SUCLG2: variants seen among roughly 807,000 people sequenced by gnomAD.
The protein encoded by SUCLG2 is succinate-CoA ligase GDP-forming subunit beta, also known as succinate--CoA ligase [GDP-forming] subunit beta, mitochondrial.
Under a neutral mutation model 47.9 loss-of-function variants are expected in SUCLG2, and 42 were observed. The ratio of observed to expected loss-of-function variants is 0.88; its 90% confidence interval spans 0.69 to 1.14. SUCLG2 has a LOEUF of 1.14. Ranked by LOEUF, SUCLG2 falls within the 50% of genes most tolerant of loss-of-function variation. SUCLG2 has a pLI of 0.00. For synonymous variants in SUCLG2, 195 were observed against 197.3 expected (o/e 0.99, Z 0.10); for missense variants, 571 against 525.9 (o/e 1.09, Z -0.84).
chr3:67,388,021 G>T (rs1164168990), intron 10 of SUCLG2, among the ~76,000 whole-genome samples: 1 of 152,000 alleles, frequency 6.6e-6, no homozygotes, highest in African/African-American at 2.4e-5. Flanking sequence ...GGTAACAAGT[G>T]TTATCTGCTA....
chr3:67,372,026 T>C (rs1348438407), downstream of SUCLG2, among the ~76,000 whole-genome samples: 1 of 152,172 alleles, frequency 6.6e-6, no homozygotes, highest in Admixed American at 6.5e-5. Flanking sequence ...TAACGCATCC[T>C]AATACTCAGG....
chr3:67,423,616 A>G (rs1032675969), intron 9 of SUCLG2, among the ~76,000 whole-genome samples: 1 of 152,052 alleles, frequency 6.6e-6, no homozygotes, highest in African/African-American at 2.4e-5. Flanking sequence ...ATACTCACAC[A>G]TCATGCTGCC....
chr3:67,377,703 G>C (rs973460180), intron 10 of SUCLG2, among the ~76,000 whole-genome samples: 1 of 152,144 alleles, frequency 6.6e-6, no homozygotes, highest in Middle Eastern at 3.2e-3. Flanking sequence ...ACCCAAGATG[G>C]AGTGCAGTGG....
chr3:67,369,836 A>G (rs1701928066), downstream of SUCLG2, among the ~76,000 whole-genome samples: 1 of 152,162 alleles, frequency 6.6e-6, no homozygotes, highest in East Asian at 1.9e-4. Flanking sequence ...CCCAGAAGCC[A>G]TTTCCATACC....
intron 6 of SUCLG2, among the ~76,000 whole-genome samples, chr3:67,511,318 T>A (rs912630143): frequency 6.6e-6 from 1 of 152,190 alleles, no homozygotes; most frequent in South Asian, 2.1e-4. Context: ...AAAAAGGGTA[T>A]CTCACTGGTA....
intron 2 of SUCLG2, among the ~76,000 whole-genome samples, chr3:67,602,779 C>T (rs1575809307): frequency 6.6e-6 from 1 of 152,160 alleles, no homozygotes; most frequent in Admixed American, 6.5e-5. Flanking sequence ...TTCGTGAGCA[C>T]CTACTGCCTC....
chr3:67,476,541 T>C (rs1704763416), intron 9 of SUCLG2, among the ~76,000 whole-genome samples: 1 of 152,110 alleles, frequency 6.6e-6, no homozygotes, highest in African/African-American at 2.4e-5. Context: ...CATATTACAA[T>C]TAATAATAAC....
chr3:67,618,087 G>A (rs1304448367), intron 1 of SUCLG2, among the ~76,000 whole-genome samples: 1 of 152,082 alleles, frequency 6.6e-6, no homozygotes, highest in South Asian at 2.1e-4. Context: ...TTTGCAAAAG[G>A]AAGAACTAGA....
intron 9 of SUCLG2, among the ~76,000 whole-genome samples, chr3:67,440,427 T>C (rs920722673): frequency 5.3e-5 from 8 of 152,024 alleles, no homozygotes; most frequent in Non-Finnish European, 1.0e-4. Flanking sequence ...AAAGAAATTA[T>C]CACAAGAGTG....
intron 10 of SUCLG2, among the ~76,000 whole-genome samples, chr3:67,392,158 C>A (rs1702402161): frequency 6.6e-6 from 1 of 152,168 alleles, no homozygotes; most frequent in South Asian, 2.1e-4. Flanking sequence ...TCTTCATCTC[C>A]TTCCTCCTTC....
chr3:67,625,739 C>T (rs1178938113), intron 1 of SUCLG2, among the ~76,000 whole-genome samples: 1 of 152,144 alleles, frequency 6.6e-6, no homozygotes, highest in African/African-American at 2.4e-5. Flanking sequence ...CAAGCCCCCT[C>T]CCAAAAGCAA....
At chr3:67,499,683 T>A (rs1355043344) in intron 7 of SUCLG2, among the ~76,000 whole-genome samples, 1 of 152,072 alleles carries the variant, frequency 6.6e-6, no homozygotes, top group Non-Finnish European at 1.5e-5. Flanking sequence ...GAAATTAGTG[T>A]TCTGTGATGC....
At chr3:67,475,244 A>T (rs1704718879) in intron 9 of SUCLG2, among the ~76,000 whole-genome samples, 2 of 152,212 alleles carry the variant, frequency 1.3e-5, no homozygotes, top group South Asian at 4.1e-4. Context: ...TGAAAACGAT[A>T]TTAAACCCTA....
At chr3:67,557,548 C>A (rs181679012) in intron 2 of SUCLG2, among the ~76,000 whole-genome samples, 1 of 152,138 alleles carries the variant, frequency 6.6e-6, no homozygotes, top group Admixed American at 6.5e-5. Flanking sequence ...AGTTGCAGAC[C>A]TCATGTTTTT....
At chr3:67,363,072 T>C (rs1701827267) in intron 10 of SUCLG2, among the ~76,000 whole-genome samples, 1 of 152,182 alleles carries the variant, frequency 6.6e-6, no homozygotes, top group African/African-American at 2.4e-5. Flanking sequence ...TGCAGGAAAA[T>C]TCCTATTTTA....
chr3:67,599,450 A>G (rs373118707), intron 2 of SUCLG2, among the ~76,000 whole-genome samples: 3 of 152,328 alleles, frequency 2.0e-5, no homozygotes, highest in South Asian at 2.1e-4. Context: ...AACAGTAGTA[A>G]GAAATTCTGA....
chr3:67,375,481 T>C lies in SUCLG2; in HGVS notation c.*263A>G. 3.5e-6 allele frequency: 4 copies of C among 1,152,364 alleles called. No individual in the cohort carries two copies. The highest frequency in any genetic ancestry group is 4.3e-6 in the Non-Finnish European group (4 of 935,298). The allele number at this position is 1,152,364 out of a possible 1,614,324, so 71.4% of individuals were successfully genotyped here. ...TGGCCACATAGACCACTCCCCAAAG[T>C]CTGCAAAACACTGCCTACTGGGCAG... is the stretch of plus-strand genomic sequence containing the variant. On this transcript the variant is annotated 3_prime_UTR_variant, in exon 11 of 11. Transcript: ENST00000307227.
At chr3:67,535,952 A>G (rs1340939433) in intron 2 of SUCLG2, among the ~76,000 whole-genome samples, 3 of 152,252 alleles carry the variant, frequency 2.0e-5, no homozygotes, top group Admixed American at 6.5e-5. Context: ...CCTGATAGCT[A>G]TAACATCTGA....
intron 4 of SUCLG2, among the ~76,000 whole-genome samples, chr3:67,521,907 C>A (rs911198602): frequency 1.6e-4 from 25 of 152,158 alleles, no homozygotes; most frequent in African/African-American, 6.0e-4. Flanking sequence ...AGGTAAGCCA[C>A]CACGCCTGGC....
Sources: allele counts gnomAD v4.1 joint callset (sites outside exome capture counted in the v4.1 genomes callset), GRCh38; gene constraint gnomAD v4.1.1; transcripts MANE v1.5; gene names NCBI Gene and HGNC (gene_info 2026-07-23, HGNC 2026-07-21).